The following MCUB variants were observed in gnomAD, a reference collection of about 807,000 sequenced individuals.
MCUB encodes the protein mitochondrial calcium uniporter dominant negative subunit beta.
Under a neutral mutation model 41.4 loss-of-function variants are expected in MCUB, and 46 were observed. The observed-to-expected ratio is 1.11, with a 90% CI of 0.88 to 1.42. The LOEUF is 1.42. Ranked by LOEUF, MCUB falls within the 40% of genes most tolerant of loss-of-function variation. The pLI is 0.00. For synonymous variants in MCUB, 148 were observed against 148.2 expected (o/e 1.00, Z 0.01); for missense variants, 403 against 404.9 (o/e 1.00, Z 0.04).
intron 5 of MCUB, among the ~76,000 whole-genome samples, chr4:109,683,718 G>A (rs1680113304): frequency 6.6e-6 from 1 of 152,096 alleles, no homozygotes; most frequent in Non-Finnish European, 1.5e-5. Flanking sequence ...ATATCTTGAT[G>A]GGCATATGGA....
At chr4:109,687,105 G>A (rs12513113) in intron 7 of MCUB, among the ~76,000 whole-genome samples, 35,894 of 151,562 alleles carry the variant, frequency 0.24, 4,952 homozygotes, top group South Asian at 0.37. Context: ...TTTATATCCC[G>A]TCACTTTGGG....
intron 5 of MCUB, among the ~76,000 whole-genome samples, chr4:109,684,080 T>TG (rs1729777601): frequency 6.6e-6 from 1 of 151,208 alleles, no homozygotes; most frequent in Admixed American, 6.6e-5. Flanking sequence ...TTTTTTTTTT[T>TG]GACGCAGAGT....
chr4:109,582,560 CAAAA>C (rs35609064), intron 1 of MCUB, among the ~76,000 whole-genome samples: 3 of 143,262 alleles, frequency 2.1e-5, no homozygotes, highest in Non-Finnish European at 3.1e-5. Context: ...CACAGTTTAA[CAAAA>C]AAAAAAAAAA....
intron 1 of MCUB, among the ~76,000 whole-genome samples, chr4:109,580,497 C>G (rs1294035727): frequency 6.6e-6 from 1 of 152,224 alleles, no homozygotes. Flanking sequence ...CTCCCAACAA[C>G]AGTGTAAAAG....
At chr4:109,664,422 CTT>C (rs11405576) in intron 4 of MCUB, 28 bp downstream of exon 4, 6,131 of 608,294 alleles carry the variant, frequency 0.01, no homozygotes, top group East Asian at 0.019. Flanking sequence ...CCAACTATTA[CTT>C]TTTTTTTTTT....
rs542288899 is a variant in MCUB, at chr4:109,677,161, T to C, written c.452-5421T>C. On this transcript the variant is annotated intron_variant, in intron 4 of 7. Coordinates refer to ENST00000394650, the MANE Select transcript of MCUB (RefSeq NM_017918.5). Reference sequence around the variant, plus strand: ...AGTTTTAAGATTTAATGTTGTTTACTACCCTGTTGGGTTTTGGACTTACGT... The same window carrying C: ...AGTTTTAAGATTTAATGTTGTTTACCACCCTGTTGGGTTTTGGACTTACGT... Among the ~76,000 whole-genome samples the C allele has an allele frequency of 2.8e-4, 43 of 152,392 alleles. No individual in the cohort carries two copies. The South Asian group carries it at 8.5e-3, about 30-fold the overall frequency.
At chr4:109,623,926 T>C (rs983399546) in intron 1 of MCUB, among the ~76,000 whole-genome samples, 1 of 152,228 alleles carries the variant, frequency 6.6e-6, no homozygotes, top group Non-Finnish European at 1.5e-5. Flanking sequence ...CATAGCTCAC[T>C]GTAACCTTGA....
intron 1 of MCUB, among the ~76,000 whole-genome samples, chr4:109,621,334 A>G (rs1224936253): frequency 2.0e-5 from 3 of 152,220 alleles, no homozygotes; most frequent in Non-Finnish European, 4.4e-5. Context: ...TTAAGATACT[A>G]TTAAGAGTTT....
intron 1 of MCUB, among the ~76,000 whole-genome samples, chr4:109,608,547 G>A (rs1190520544): frequency 6.6e-6 from 1 of 152,010 alleles, no homozygotes; most frequent in Non-Finnish European, 1.5e-5. Context: ...GAGTGCAGTG[G>A]TGCAGTCATG....
At chr4:109,679,165 G>A (rs1729657069) in intron 4 of MCUB, among the ~76,000 whole-genome samples, 1 of 151,714 alleles carries the variant, frequency 6.6e-6, no homozygotes, top group Non-Finnish European at 1.5e-5. Flanking sequence ...CTTCCCAGAC[G>A]GGGCAGCTGG....
intron 1 of MCUB, among the ~76,000 whole-genome samples, chr4:109,574,782 G>A (rs1408493865): frequency 1.3e-5 from 2 of 152,156 alleles, no homozygotes; most frequent in African/African-American, 4.8e-5. Context: ...GGAGGGATGG[G>A]AGACAGAGCC....
At chr4:109,654,326 A>G (rs1729028428) in intron 1 of MCUB, among the ~76,000 whole-genome samples, 1 of 152,094 alleles carries the variant, frequency 6.6e-6, no homozygotes, top group Non-Finnish European at 1.5e-5. Context: ...AAGATCATAT[A>G]TCAGCCAGGT....
chr4:109,630,463 A>C (rs1579073532), intron 1 of MCUB, among the ~76,000 whole-genome samples: 2 of 152,146 alleles, frequency 1.3e-5, no homozygotes, highest in East Asian at 3.8e-4. Context: ...CCCCATCTCT[A>C]AAAAAATTTT....
chr4:109,562,433 G>A (rs1726663371), intron 1 of MCUB, among the ~76,000 whole-genome samples: 1 of 152,146 alleles, frequency 6.6e-6, no homozygotes, highest in African/African-American at 2.4e-5. Context: ...TGAGTAAACC[G>A]ATAAAAATAT....
intron 1 of MCUB, among the ~76,000 whole-genome samples, chr4:109,563,563 G>A (rs1272124894): frequency 1.3e-5 from 2 of 152,166 alleles, no homozygotes; most frequent in Admixed American, 1.3e-4. Context: ...TTACGCTATG[G>A]AAAAGACATT....
At chr4:109,631,558 A>C (rs1728475138) in intron 1 of MCUB, among the ~76,000 whole-genome samples, 1 of 152,226 alleles carries the variant, frequency 6.6e-6, no homozygotes, top group South Asian at 2.1e-4. Flanking sequence ...AGTGCAGTGC[A>C]AAGTGCAGTA....
chr4:109,646,005 C>A (rs899718443), intron 1 of MCUB, among the ~76,000 whole-genome samples: 14 of 152,098 alleles, frequency 9.2e-5, no homozygotes, highest in Non-Finnish European at 1.9e-4. Context: ...AAGTCGCAAA[C>A]CCTCCAGTAA....
chr4:109,608,673 G>GTT (rs1448833645), intron 1 of MCUB, among the ~76,000 whole-genome samples: 1 of 145,562 alleles, frequency 6.9e-6, no homozygotes, highest in Admixed American at 6.9e-5. Flanking sequence ...TATTATTATT[G>GTT]TTTTTTTTTT....
At chr4:109,619,050 A>T (rs1041393604) in intron 1 of MCUB, among the ~76,000 whole-genome samples, 1 of 146,688 alleles carries the variant, frequency 6.8e-6, no homozygotes, top group African/African-American at 2.5e-5. Context: ...CTACCTACCT[A>T]CCTACCTACC....
Sources: allele counts gnomAD v4.1 joint callset (sites outside exome capture counted in the v4.1 genomes callset), GRCh38; gene constraint gnomAD v4.1.1; transcripts MANE v1.5; gene names NCBI Gene and HGNC (gene_info 2026-07-23, HGNC 2026-07-21).